Variants in CEP135 observed in about 807,000 individuals in gnomAD.
CEP135 encodes the protein centrosomal protein of 135 kDa.
In CEP135, 142 loss-of-function variants were observed where a neutral mutation model predicts 157.3. The observed-to-expected ratio is 0.90, with a 90% CI of 0.79 to 1.04. The LOEUF (loss-of-function observed/expected upper bound fraction) is 1.04, where lower values mean the gene tolerates loss of function less well. Ranked by LOEUF, CEP135 falls within the 50% of genes least tolerant of loss-of-function variation. The pLI is 0.00. For missense variants in CEP135, 1,317 were observed against 1,309.2 expected (o/e 1.01, Z -0.09); for synonymous variants, 396 against 439.8 (o/e 0.90, Z 1.25).
At chr4:55,989,066 A>G (rs1729700970) in intron 14 of CEP135, among the ~76,000 whole-genome samples, 4 of 152,146 alleles carry the variant, frequency 2.6e-5, no homozygotes. Context: ...TCTGTGAAGT[A>G]ACTCAGATCA....
intron 24 of CEP135, 83 bp from the exon 25 acceptor site, chr4:56,024,418 C>T: frequency 1.2e-6 from 1 of 864,746 alleles, no homozygotes; most frequent in East Asian, 2.6e-5. Context: ...TACAAATTAG[C>T]TAATAACTCT....
intron 14 of CEP135, among the ~76,000 whole-genome samples, chr4:55,985,635 T>G (rs2109691702): frequency 6.6e-6 from 1 of 152,156 alleles, no homozygotes; most frequent in South Asian, 2.1e-4. Flanking sequence ...TTTTTGTATT[T>G]TTAGTAGAGA....
chr4:55,997,907 A>G (rs951003862), intron 15 of CEP135, among the ~76,000 whole-genome samples: 1 of 152,206 alleles, frequency 6.6e-6, no homozygotes, highest in South Asian at 2.1e-4. Context: ...TTAGGAAGTA[A>G]GATTGCTTGA....
At chr4:56,016,564 T>C (rs1490987136) in intron 21 of CEP135, among the ~76,000 whole-genome samples, 1 of 152,224 alleles carries the variant, frequency 6.6e-6, no homozygotes, top group East Asian at 1.9e-4. Flanking sequence ...TAAAGTATTA[T>C]ATTTGTTTAG....
At chr4:56,018,355 A>G (rs1035244989) in intron 22 of CEP135, among the ~76,000 whole-genome samples, 3 of 152,150 alleles carry the variant, frequency 2.0e-5, no homozygotes, top group African/African-American at 7.2e-5. Flanking sequence ...TTCTCAGGCA[A>G]ACGTAGTGAT....
intron 11 of CEP135, among the ~76,000 whole-genome samples, chr4:55,976,789 C>G (rs1258916549): frequency 6.6e-6 from 1 of 151,952 alleles, no homozygotes; most frequent in Non-Finnish European, 1.5e-5. Flanking sequence ...AAGTGCATTC[C>G]CCACCTAAAA....
chr4:55,990,563 A>G (rs1472091497), intron 14 of CEP135, among the ~76,000 whole-genome samples: 1 of 151,554 alleles, frequency 6.6e-6, no homozygotes, highest in Non-Finnish European at 1.5e-5. Flanking sequence ...TTGTATGATC[A>G]TAGCTCACTG....
intron 11 of CEP135, among the ~76,000 whole-genome samples, chr4:55,979,532 G>T (rs1729329689): frequency 6.6e-6 from 1 of 152,132 alleles, no homozygotes; most frequent in South Asian, 2.1e-4. Context: ...GGTATGCCTG[G>T]CGTATTGATC....
At chr4:55,968,986 AT>A in intron 8 of CEP135, 76 bp from the exon 9 acceptor site, 3 of 1,115,452 alleles carry the variant, frequency 2.7e-6, no homozygotes, top group Non-Finnish European at 3.8e-6. Context: ...TAATTGCAAA[AT>A]TACTTGATCT....
chr4:56,011,310 A>G, intron 19 of CEP135, 102 bp from the exon 20 acceptor site: 1 of 772,870 alleles, frequency 1.3e-6, no homozygotes, highest in Non-Finnish European at 2.1e-6. Flanking sequence ...CTTTTGCCCT[A>G]CTCTATCTTA....
intron 18 of CEP135, among the ~76,000 whole-genome samples, chr4:56,008,602 A>G (rs1730445110): frequency 6.6e-6 from 1 of 152,120 alleles, no homozygotes; most frequent in South Asian, 2.1e-4. Flanking sequence ...CTTATTAACT[A>G]TTCTCCTATA....
chr4:55,985,435 T>C, intron 14 of CEP135, 77 bp downstream of exon 14: 1 of 510,472 alleles, frequency 2.0e-6, no homozygotes, highest in African/African-American at 2.0e-5. Flanking sequence ...ATACACTATT[T>C]TTTAATTTTA....
rs191222143 is a variant in CEP135 at position 55,955,228 on chromosome 4, G to A, written c.472+845G>A. ...AGATTATGAAATTAAGTGAGTAACA[G>A]GGGGCTGCTGGATTATGAGGCTAGG... On this transcript the variant is annotated intron_variant, in intron 4 of 25. Transcript: ENST00000257287. Among the ~76,000 whole-genome samples the A allele has an allele frequency of 8.1e-4, 124 of 152,290 alleles. 1 individual carries two copies. The highest frequency in any genetic ancestry group is 2.8e-3 in the African/African-American group (115 of 41,574).
intron 25 of CEP135, among the ~76,000 whole-genome samples, chr4:56,026,190 C>G (rs1235538351): frequency 2.0e-5 from 3 of 152,108 alleles, no homozygotes; most frequent in Non-Finnish European, 2.9e-5. Context: ...GCTTGGGTGA[C>G]AGAGTGAGAC....
rs774181144 is a variant in CEP135 at position 56,011,443 on chromosome 4, A to C, written c.2537A>C (p.Gln846Pro). Residue 846 changes from glutamine to proline, a missense_variant, in exon 20 of 26, where the codon CAA (glutamine) becomes CCA (proline). Physicochemically the swap from Gln to Pro is moderately conservative, Grantham distance 76 (BLOSUM62 -1). Transcript: ENST00000257287. Reference sequence around the variant, plus strand: ...TCATTGGAATTGGAAGCAGCAGTGCAAGAAAAAGAAGAAATGAAGAGCAGA... The same window carrying C: ...TCATTGGAATTGGAAGCAGCAGTGCCAGAAAAAGAAGAAATGAAGAGCAGA... ...EISLELEAAV[Q>P]EKEEMKSRVH... 6.2e-7 allele frequency: 1 copy of C among 1,612,654 alleles called. No homozygotes were observed. The highest frequency in any genetic ancestry group is 1.3e-5 in the African/African-American group (1 of 74,998).
chr4:56,001,873 C>G (rs909937317), intron 17 of CEP135, among the ~76,000 whole-genome samples: 1 of 152,052 alleles, frequency 6.6e-6, no homozygotes, highest in African/African-American at 2.4e-5. Flanking sequence ...TTCCTTCAAT[C>G]CATGAGTATG....
intron 15 of CEP135, among the ~76,000 whole-genome samples, chr4:55,995,752 C>A (rs1729948651): frequency 6.6e-6 from 1 of 152,154 alleles, no homozygotes; most frequent in Non-Finnish European, 1.5e-5. Context: ...TTTGTCAACC[C>A]CTGCTCAAGG....
At chr4:55,958,910 C>T (rs1401205089) in intron 5 of CEP135, among the ~76,000 whole-genome samples, 1 of 152,128 alleles carries the variant, frequency 6.6e-6, no homozygotes, top group Non-Finnish European at 1.5e-5. Context: ...TGTGGAAAAA[C>T]TCTCTCTCTA....
chr4:55,990,409 A>G (rs1388763012), intron 14 of CEP135, among the ~76,000 whole-genome samples: 1 of 152,164 alleles, frequency 6.6e-6, no homozygotes, highest in Non-Finnish European at 1.5e-5. Flanking sequence ...AATGTAGGTC[A>G]TTTTCCCATC....
Sources: gnomAD v4.1 joint callset for allele counts (sites outside exome capture counted in the v4.1 genomes callset) on GRCh38, gnomAD v4.1.1 for gene constraint, MANE v1.5 for transcripts, NCBI Gene and HGNC (gene_info 2026-07-23, HGNC 2026-07-21) for gene names.